The following MYO5B variants were observed in gnomAD, a reference collection of about 807,000 sequenced individuals.
The protein encoded by MYO5B is myosin VB.
In MYO5B, 143 loss-of-function variants were observed where a neutral mutation model predicts 229.3. That is an observed-to-expected ratio of 0.62 (90% confidence interval 0.54 to 0.72). The LOEUF (loss-of-function observed/expected upper bound fraction) is 0.72, where lower values mean the gene tolerates loss of function less well. Ranked by LOEUF, MYO5B falls within the 30% of genes least tolerant of loss-of-function variation. The pLI is 0.00. For synonymous variants in MYO5B, 918 were observed against 885.2 expected (o/e 1.04, Z -0.66); for missense variants, 2,321 against 2,331.0 (o/e 1.00, Z 0.09).
At chr18:50,168,318 G>A (rs2032882335) in intron 1 of MYO5B, among the ~76,000 whole-genome samples, 1 of 152,220 alleles carries the variant, frequency 6.6e-6, no homozygotes, top group African/African-American at 2.4e-5. Context: ...GCAACATGGT[G>A]ATTTACTGAG....
chr18:50,155,890 T>C (rs574847933), intron 1 of MYO5B, among the ~76,000 whole-genome samples: 1 of 152,204 alleles, frequency 6.6e-6, no homozygotes, highest in Non-Finnish European at 1.5e-5. Context: ...TTTTCAAAAG[T>C]TAACTTCAAG....
At chr18:49,892,817 T>C (rs2024730821) in intron 22 of MYO5B, among the ~76,000 whole-genome samples, 1 of 152,212 alleles carries the variant, frequency 6.6e-6, no homozygotes, top group Admixed American at 6.5e-5. Context: ...ATGAGTCATC[T>C]CCTGTTGGTT....
At chr18:50,072,277 G>A (rs2030975561) in intron 1 of MYO5B, among the ~76,000 whole-genome samples, 1 of 152,156 alleles carries the variant, frequency 6.6e-6, no homozygotes, top group Non-Finnish European at 1.5e-5. Context: ...TCTGACCTGT[G>A]AGGACACAGA....
At chr18:50,182,836 G>A (rs976360295) in intron 1 of MYO5B, among the ~76,000 whole-genome samples, 1 of 152,160 alleles carries the variant, frequency 6.6e-6, no homozygotes, top group East Asian at 1.9e-4. Context: ...GAACCAGGCT[G>A]TGGGGGGTTG....
intron 1 of MYO5B, among the ~76,000 whole-genome samples, chr18:50,103,351 C>T (rs2031691316): frequency 6.6e-6 from 1 of 152,232 alleles, no homozygotes; most frequent in Non-Finnish European, 1.5e-5. Context: ...TATCCTGACC[C>T]TCCCTGGAAG....
chr18:49,950,390 T>G (rs1284316126), intron 14 of MYO5B, among the ~76,000 whole-genome samples: 1 of 152,206 alleles, frequency 6.6e-6, no homozygotes, highest in Non-Finnish European at 1.5e-5. Context: ...TCTATACACT[T>G]TTGATGTGCA....
At chr18:50,126,707 A>C (rs2032169354) in intron 1 of MYO5B, 1 of 154,120 alleles carries the variant, frequency 6.5e-6, no homozygotes, top group Admixed American at 6.5e-5. Context: ...AATGGGTCTC[A>C]GAACAGCAGC....
chr18:49,975,162 T>C (rs2025736551), intron 9 of MYO5B, among the ~76,000 whole-genome samples: 2 of 152,334 alleles, frequency 1.3e-5, no homozygotes, highest in South Asian at 4.1e-4. Context: ...ATTCCTCCCT[T>C]ACAGGCATTG....
intron 4 of MYO5B, among the ~76,000 whole-genome samples, chr18:50,013,653 C>A (rs569998840): frequency 8.3e-4 from 126 of 152,278 alleles, no homozygotes; most frequent in African/African-American, 2.7e-3. Flanking sequence ...ATGTAAGTGG[C>A]CAAGAGTTTG....
intron 4 of MYO5B, among the ~76,000 whole-genome samples, chr18:50,011,358 G>C (rs1260865503): frequency 6.6e-6 from 1 of 152,102 alleles, no homozygotes; most frequent in Non-Finnish European, 1.5e-5. Flanking sequence ...GGCCTCTGAG[G>C]TGATCTCCTC....
chr18:50,043,237 A>AAT (rs1243510553), intron 2 of MYO5B, among the ~76,000 whole-genome samples: 54 of 136,448 alleles, frequency 4.0e-4, no homozygotes, highest in African/African-American at 1.3e-3. Flanking sequence ...TATATACACA[A>AAT]ATATATATAT....
chr18:50,174,925 G>A (rs2032974118), intron 1 of MYO5B, among the ~76,000 whole-genome samples: 1 of 152,186 alleles, frequency 6.6e-6, no homozygotes, highest in South Asian at 2.1e-4. Flanking sequence ...CCAAGTCTCT[G>A]GTCAAGTGAC....
At chr18:50,062,574 C>T (rs969618357) in intron 1 of MYO5B, among the ~76,000 whole-genome samples, 50 of 152,204 alleles carry the variant, frequency 3.3e-4, no homozygotes, top group Non-Finnish European at 1.3e-4. Flanking sequence ...GTGGGACACA[C>T]TCCACTCTTT....
intron 1 of MYO5B, among the ~76,000 whole-genome samples, chr18:50,120,684 G>T (rs1423023031): frequency 6.6e-6 from 1 of 152,122 alleles, no homozygotes; most frequent in African/African-American, 2.4e-5. Context: ...CAGCTTCTTT[G>T]TATGTGATAT....
intron 15 of MYO5B, among the ~76,000 whole-genome samples, chr18:49,936,586 C>G (rs890111370): frequency 6.6e-6 from 1 of 152,096 alleles, no homozygotes; most frequent in African/African-American, 2.4e-5. Context: ...GGACAGACTA[C>G]CCCCTAATGT....
intron 1 of MYO5B, among the ~76,000 whole-genome samples, chr18:50,109,648 G>T (rs1420732757): frequency 6.6e-6 from 1 of 151,870 alleles, no homozygotes; most frequent in Non-Finnish European, 1.5e-5. Context: ...GGATGGTCTC[G>T]ATCTCCTGAC....
chr18:49,939,300 C>T (rs2025288069), intron 14 of MYO5B, among the ~76,000 whole-genome samples: 2 of 152,082 alleles, frequency 1.3e-5, no homozygotes, highest in Middle Eastern at 3.4e-3. Context: ...CGTGCACTAC[C>T]ATGCCCAGCT....
In MYO5B at chr18:50,021,516, G is replaced by A. The variant is rs554614488; in HGVS notation, c.455+15334C>T. Among the ~76,000 whole-genome samples, 7 of 152,276 alleles carry A rather than the reference G, an allele frequency of 4.6e-5. No individual in the cohort carries two copies. The South Asian group carries it at 1.5e-3, about 32-fold the overall frequency. The stretch of plus-strand genomic sequence containing the variant: ...TTACGGCAAGAGCCATGAGGCAAGA[G>A]AGAGAAAAGAGGTCTGAAAATTAAA... On this transcript the variant is annotated intron_variant, in intron 4 of 39. Transcript: ENST00000285039.
chr18:50,179,114 G>A (rs559968593), intron 1 of MYO5B, among the ~76,000 whole-genome samples: 13 of 152,150 alleles, frequency 8.5e-5, no homozygotes, highest in African/African-American at 2.4e-4. Flanking sequence ...TTTTTAGGGG[G>A]TGACAGCAGG....
Sources: allele counts gnomAD v4.1 joint callset (sites outside exome capture counted in the v4.1 genomes callset), GRCh38; gene constraint gnomAD v4.1.1; transcripts MANE v1.5; gene names NCBI Gene and HGNC (gene_info 2026-07-23, HGNC 2026-07-21).